The following OR2A12 variants were observed in gnomAD, a reference collection of about 807,000 sequenced individuals.
The protein encoded by OR2A12 is olfactory receptor family 2 subfamily A member 12.
For missense variants in OR2A12, 380 were observed against 372.5 expected, an observed-to-expected ratio of 1.02 and a Z score of -0.17; for synonymous variants, 153 against 149.3, an observed-to-expected ratio of 1.02 and a Z score of -0.18.
chr7:144,096,143 A>C lies in OR2A12; in HGVS notation c.*103A>C. 2.3e-6 allele frequency: 2 copies of C among 854,234 alleles called. No homozygotes were observed. Among genetic ancestry groups the C allele is most frequent in the South Asian group, 3.5e-5 (2 of 57,284 alleles). The allele number at this position is 854,234 out of a possible 1,614,324, so 52.9% of individuals were successfully genotyped here. A position where few individuals can be genotyped will look rare whatever the true frequency, so the allele number is the denominator to read the frequency against. The stretch of plus-strand genomic sequence containing the variant: ...TAATTTACCACACCCAATACTGTTT[A>C]TCTTTAGACTTCTTATAAAAAGAGA... On this transcript the variant is annotated 3_prime_UTR_variant, in exon 2 of 2. Transcript: ENST00000641592.
rs942659182 is a variant in OR2A12 at position 144,095,182 on chromosome 7, C to T, written c.75C>T (p.Phe25=). Residue 25 remains phenylalanine (F), a synonymous_variant, in exon 2 of 2, where the codon TTC becomes TTT. Coordinates refer to ENST00000641592, the MANE Select transcript of OR2A12 (RefSeq NM_001004135.2). ...AGGTGGACCCAGCTCTGGAGTTGTTCCTCTTTGGGTTTTTCTTGCTATTCT... is the reference window on the plus strand; with the variant it reads ...AGGTGGACCCAGCTCTGGAGTTGTTTCTCTTTGGGTTTTTCTTGCTATTCT... The part of the protein sequence containing the change: ...GFQVDPALEL[F]LFGFFLLFYS... The T allele has an allele frequency of 1.2e-6, 2 of 1,613,982 alleles. No individual in the cohort carries two copies. The highest frequency in any genetic ancestry group is 2.2e-5 in the East Asian group (1 of 44,864).
Position 144,095,290 on chromosome 7 carries a change from C to T in OR2A12, c.183C>T (p.Phe61=), listed in dbSNP as rs372499409. Residue 61 remains phenylalanine, a synonymous_variant, in exon 2 of 2, where the codon TTC becomes TTT. Transcript: ENST00000641592. ...DSRLHTPMYV[F]LSHLAIVDMS... is the part of the protein sequence containing the mutation. ...GACTGCACACACCCATGTATGTCTT[C>T]CTGTCACACCTGGCCATTGTGGACA... The T allele has an allele frequency of 1.2e-6, 2 of 1,614,028 alleles. No individual in the cohort carries two copies. Among genetic ancestry groups the T allele is most frequent in the Admixed American group, 3.3e-5 (2 of 60,020 alleles).
Position 144,095,583 on chromosome 7 carries a change from T to A in OR2A12, c.476T>A (p.Ile159Asn). 3 of 1,614,128 alleles carry A rather than the reference T, an allele frequency of 1.9e-6. No individual in the cohort carries two copies. In the East Asian group the frequency reaches 6.7e-5, roughly 36 times the overall value. The stretch of plus-strand genomic sequence containing the variant: ...AGCTTTCTCTTGGCTCTGGTCCATA[T>A]TACTCTTATTCTGAGGCTGCCTTTT... Reference protein sequence around the residue: ...IFSFLLALVHITLILRLPFCG... With the variant: ...IFSFLLALVHNTLILRLPFCG... Residue 159 changes from isoleucine to asparagine, a missense_variant, in exon 2 of 2, where the codon ATT becomes AAT. Ile to Asn is a moderately radical substitution (Grantham distance 149, BLOSUM62 -3). Coordinates refer to ENST00000641592, the MANE Select transcript of OR2A12 (RefSeq NM_001004135.2).
At chr7:144,091,245 G>C (rs1029488749) in intron 1 of OR2A12, among the ~76,000 whole-genome samples, 2 of 152,176 alleles carry the variant, frequency 1.3e-5, no homozygotes, top group Non-Finnish European at 2.9e-5. Flanking sequence ...ACAAAAATTA[G>C]CCAGGTGTGA....
intron 1 of OR2A12, among the ~76,000 whole-genome samples, chr7:144,090,557 G>A (rs1224268872): frequency 6.6e-6 from 1 of 152,044 alleles, no homozygotes; most frequent in East Asian, 1.9e-4. Context: ...TTAAATTCAG[G>A]TGTACATGTG....
chr7:144,088,772 G>A (rs2051205972), intron 1 of OR2A12, among the ~76,000 whole-genome samples: 1 of 152,076 alleles, frequency 6.6e-6, no homozygotes, highest in African/African-American at 2.4e-5. Flanking sequence ...AAATCATGGT[G>A]GTGTAAATAA....
At chr7:144,095,036 T>C in intron 1 of OR2A12, 21 bp from the exon 2 acceptor site, 1 of 1,024,380 alleles carries the variant, frequency 9.8e-7, no homozygotes, top group Non-Finnish European at 1.5e-6. Flanking sequence ...TAATGAAATG[T>C]TTTTTATTTT....
chr7:144,098,151 G>C lies in OR2A12; in HGVS notation c.*2111G>C, dbSNP rs1346493302. ...AGAGTCTCATGCATTGTCTTGACTA[G>C]GTGACTTTCAATCATATCTCTTCAG... is the stretch of plus-strand genomic sequence containing the variant. On this transcript the variant is annotated 3_prime_UTR_variant, in exon 2 of 2. Coordinates refer to ENST00000641592, the MANE Select transcript of OR2A12 (RefSeq NM_001004135.2). The C allele has an allele frequency of 1.3e-5, 2 of 152,064 alleles. No homozygotes were observed. Among genetic ancestry groups the C allele is most frequent in the Non-Finnish European group, 2.9e-5 (2 of 68,016 alleles). The allele number at this position is 152,064 out of a possible 1,614,324, so 9.4% of individuals were successfully genotyped here. A position where few individuals can be genotyped will look rare whatever the true frequency, so the allele number is the denominator to read the frequency against.
rs2051279981 is a variant in OR2A12 at position 144,098,116 on chromosome 7, A to G, written c.*2076A>G. 6.6e-6 allele frequency: 1 copy of G among 152,188 alleles called. No homozygotes were observed. The highest frequency in any genetic ancestry group is 6.5e-5 in the Admixed American group (1 of 15,278). The allele number at this position is 152,188 out of a possible 1,614,324, so 9.4% of individuals were successfully genotyped here. A position where few individuals can be genotyped will look rare whatever the true frequency, so the allele number is the denominator to read the frequency against. On this transcript the variant is annotated 3_prime_UTR_variant, in exon 2 of 2. Coordinates refer to ENST00000641592, the MANE Select transcript of OR2A12 (RefSeq NM_001004135.2). The stretch of plus-strand genomic sequence containing the variant: ...CTCAAGCAGTACATCCCCAAAGACC[A>G]GCATATTTCAGAGTCTCATGCATTG...
At chr7:144,090,633 T>TA (rs2051221129) in intron 1 of OR2A12, among the ~76,000 whole-genome samples, 1 of 152,170 alleles carries the variant, frequency 6.6e-6, no homozygotes, top group Non-Finnish European at 1.5e-5. Context: ...ATCACTCAGG[T>TA]ATTAAGCCTA....
At position 144,095,694 on chromosome 7, in the gene OR2A12, T is replaced by C. The variant is rs1201398144; in HGVS notation, c.587T>C (p.Val196Ala). ...LACADTRLNQVVLFAGSAFIL... is the reference protein window; with the variant it reads ...LACADTRLNQAVLFAGSAFIL... ...TGTGCTGACACTAGGCTCAACCAGG[T>C]GGTCCTATTTGCGGGTTCTGCGTTC... The change falls in exon 2 of 2, where the codon GTG becomes GCG. Residue 196 changes from valine (V) to alanine (A), a missense_variant. Physicochemically the swap from Val to Ala is moderately conservative, Grantham distance 64. Coordinates refer to ENST00000641592, the MANE Select transcript of OR2A12 (RefSeq NM_001004135.2). The C allele has an allele frequency of 2.5e-6, 4 of 1,614,118 alleles. No individual in the cohort carries two copies. Among genetic ancestry groups the C allele is most frequent in the Non-Finnish European group, 3.4e-6 (4 of 1,180,012 alleles).
chr7:144,086,999 C>G (rs1268393635), intron 1 of OR2A12, among the ~76,000 whole-genome samples: 1 of 152,112 alleles, frequency 6.6e-6, no homozygotes, highest in Non-Finnish European at 1.5e-5. Context: ...TTTGTCCCAC[C>G]CTTTTCCTAT....
chr7:144,091,352 T>C (rs555627812), intron 1 of OR2A12, among the ~76,000 whole-genome samples: 262 of 152,268 alleles, frequency 1.7e-3, no homozygotes, highest in African/African-American at 6.0e-3. Context: ...AATTGTGCCA[T>C]TGCACTCCAG....
At position 144,096,272 on chromosome 7, in the gene OR2A12, T is replaced by A. The variant is rs2051264195; in HGVS notation, c.*232T>A. ...GAGTTCGAGACCAGCCTAACCAACA[T>A]GGCGAAACACTGTCTCTATTAAAAA... On this transcript the variant is annotated 3_prime_UTR_variant, in exon 2 of 2. Transcript: ENST00000641592. 5.9e-6 allele frequency: 2 copies of A among 340,070 alleles called. No individual in the cohort carries two copies. The highest frequency in any genetic ancestry group is 4.2e-5 in the African/African-American group (2 of 47,074). 21.1% of individuals were successfully genotyped at this position (340,070 alleles called of 1,614,324 possible). A position where few individuals can be genotyped will look rare whatever the true frequency, so the allele number is the denominator to read the frequency against.
At chr7:144,094,555 G>C (rs181162114) in intron 1 of OR2A12, among the ~76,000 whole-genome samples, 38 of 152,118 alleles carry the variant, frequency 2.5e-4, no homozygotes, top group African/African-American at 8.9e-4. Context: ...AACTCTTTAG[G>C]GTTTGCATTT....
chr7:144,087,522 C>G (rs979609893), intron 1 of OR2A12, among the ~76,000 whole-genome samples: 2 of 152,098 alleles, frequency 1.3e-5, no homozygotes, highest in Non-Finnish European at 2.9e-5. Flanking sequence ...ATTCCTACTA[C>G]AAAAATAACT....
Position 144,095,451 on chromosome 7 carries a change from T to G in OR2A12, c.344T>G (p.Val115Gly). The change falls in exon 2 of 2, where the codon GTG becomes GGG. Residue 115 changes from valine (V) to glycine (G), a missense_variant. Physicochemically the swap from Val to Gly is moderately radical, Grantham distance 109 (BLOSUM62 -3). Transcript: ENST00000641592. ...GCTATTACAGAGTGTCTGATTTTGG[T>G]GATGATGTGCTATGATCGGTATGTG... ...AFAITECLIL[V>G]MMCYDRYVAI... The G allele has an allele frequency of 6.2e-7, 1 of 1,613,962 alleles. No individual in the cohort carries two copies. Among genetic ancestry groups the G allele is most frequent in the Non-Finnish European group, 8.5e-7 (1 of 1,179,872 alleles).
intron 1 of OR2A12, among the ~76,000 whole-genome samples, chr7:144,090,826 C>T (rs546622353): frequency 3.8e-4 from 58 of 152,274 alleles, no homozygotes; most frequent in African/African-American, 1.3e-3. Flanking sequence ...GGATAAAGAC[C>T]TTCAGCTCCA....
intron 1 of OR2A12, among the ~76,000 whole-genome samples, chr7:144,089,856 C>T (rs2128802354): frequency 6.6e-6 from 1 of 152,092 alleles, no homozygotes; most frequent in Non-Finnish European, 1.5e-5. Flanking sequence ...TTTTATAGCC[C>T]ATTGTTTATA....
Sources: allele counts gnomAD v4.1 joint callset (sites outside exome capture counted in the v4.1 genomes callset), GRCh38; gene constraint gnomAD v4.1.1; transcripts MANE v1.5; gene names NCBI Gene and HGNC (gene_info 2026-07-23, HGNC 2026-07-21).